Variants in PLPP3 observed in about 807,000 individuals in gnomAD.
PLPP3 encodes phospholipid phosphatase 3, also known as PAP2 beta.
A neutral mutation model predicts 29.6 loss-of-function variants in PLPP3; 6 were observed. That is an observed-to-expected ratio of 0.20 (90% CI 0.11 to 0.40). PLPP3 has a LOEUF of 0.40. Among genes scored for constraint, PLPP3 ranks in the 10% least tolerant of loss-of-function variants. The pLI is 1.00. For missense variants in PLPP3, 308 were observed against 407.7 expected (o/e 0.76, Z 2.11); for synonymous variants, 152 against 159.7 (o/e 0.95, Z 0.36).
At chr1:56,557,576 T>A (rs544575792) in intron 1 of PLPP3, among the ~76,000 whole-genome samples, 2 of 152,316 alleles carry the variant, frequency 1.3e-5, no homozygotes, top group East Asian at 3.9e-4. Context: ...ATGAATGCAC[T>A]AATGAATGCA....
chr1:56,575,443 G>A (rs1327124467), intron 1 of PLPP3, among the ~76,000 whole-genome samples: 1 of 152,172 alleles, frequency 6.6e-6, no homozygotes, highest in Non-Finnish European at 1.5e-5. Flanking sequence ...AAACGTGGTG[G>A]AGCAACCAAA....
Position 56,494,955 on chromosome 1 carries a change from A to G in PLPP3, c.*1596T>C, listed in dbSNP as rs1645621738. ...GTTGCAGTTATTTCATTATAAAACAATGTCTACCACAGAACTATGATATTT... is the reference window on the plus strand; with the variant it reads ...GTTGCAGTTATTTCATTATAAAACAGTGTCTACCACAGAACTATGATATTT... On this transcript the variant is annotated 3_prime_UTR_variant, in exon 6 of 6. Coordinates refer to ENST00000371250, the MANE Select transcript of PLPP3 (RefSeq NM_003713.5). The G allele has an allele frequency of 1.3e-5, 2 of 152,626 alleles. No homozygotes were observed. Among genetic ancestry groups the G allele is most frequent in the Admixed American group, 6.5e-5 (1 of 15,276 alleles). 9.5% of individuals were successfully genotyped at this position (152,626 alleles called of 1,614,324 possible). A position where few individuals can be genotyped will look rare whatever the true frequency, so the allele number is the denominator to read the frequency against.
chr1:56,571,329 C>T (rs1646196829), intron 1 of PLPP3, among the ~76,000 whole-genome samples: 1 of 152,158 alleles, frequency 6.6e-6, no homozygotes, highest in African/African-American at 2.4e-5. Flanking sequence ...TCACAGTGCA[C>T]ACAGAATCTC....
At chr1:56,525,118 A>G (rs1260180994) in intron 2 of PLPP3, among the ~76,000 whole-genome samples, 1 of 152,204 alleles carries the variant, frequency 6.6e-6, no homozygotes, top group African/African-American at 2.4e-5. Flanking sequence ...TCCTTCAGCA[A>G]TAATCTACAT....
chr1:56,522,458 A>C (rs1445728425), intron 4 of PLPP3, among the ~76,000 whole-genome samples: 1 of 152,184 alleles, frequency 6.6e-6, no homozygotes, highest in African/African-American at 2.4e-5. Context: ...AAAATACACA[A>C]AGGGAGCAGG....
chr1:56,563,597 T>C (rs1392732684), intron 1 of PLPP3, among the ~76,000 whole-genome samples: 1 of 152,212 alleles, frequency 6.6e-6, no homozygotes, highest in Non-Finnish European at 1.5e-5. Flanking sequence ...AGTGGATAGA[T>C]GGCCCAAGTG....
intron 4 of PLPP3, 50 bp downstream of exon 4, chr1:56,523,773 G>T: frequency 1.3e-6 from 2 of 1,555,626 alleles, no homozygotes; most frequent in Non-Finnish European, 1.8e-6. Context: ...ATATCAGAAG[G>T]GATCGAAGCT....
chr1:56,497,585 A>C (rs776138681), intron 5 of PLPP3, among the ~76,000 whole-genome samples: 4 of 152,212 alleles, frequency 2.6e-5, no homozygotes, highest in Non-Finnish European at 5.9e-5. Flanking sequence ...ACTTGGCTGG[A>C]TTTCAAAATA....
intron 1 of PLPP3, among the ~76,000 whole-genome samples, chr1:56,568,665 G>A (rs185496708): frequency 8.5e-5 from 13 of 152,142 alleles, no homozygotes; most frequent in Admixed American, 2.0e-4. Context: ...TCGCTCTGTC[G>A]CCCAGGCTGG....
At chr1:56,526,043 A>AT (rs1236647343) in intron 2 of PLPP3, among the ~76,000 whole-genome samples, 1 of 152,180 alleles carries the variant, frequency 6.6e-6, no homozygotes, top group Non-Finnish European at 1.5e-5. Flanking sequence ...AATGCTTTAT[A>AT]TATAAGAGCT....
At chr1:56,506,238 G>A (rs1438855759) in intron 5 of PLPP3, among the ~76,000 whole-genome samples, 1 of 152,238 alleles carries the variant, frequency 6.6e-6, no homozygotes, top group African/African-American at 2.4e-5. Context: ...ATGGAATCAA[G>A]AAACTGGGGA....
chr1:56,532,193 C>T (rs1286312063), intron 2 of PLPP3, among the ~76,000 whole-genome samples: 2 of 152,136 alleles, frequency 1.3e-5, no homozygotes, highest in African/African-American at 4.8e-5. Flanking sequence ...TGCCCCCTCC[C>T]ACTGTTCCCC....
At chr1:56,530,698 C>T (rs1191407785) in intron 2 of PLPP3, among the ~76,000 whole-genome samples, 2 of 78,740 alleles carry the variant, frequency 2.5e-5, no homozygotes, top group Non-Finnish European at 5.5e-5. Flanking sequence ...ACCAAGCTCA[C>T]TTAAAATACT....
rs959783277 is a variant in PLPP3 at position 56,524,748 on chromosome 1, A to G, written c.298-194T>C. Among the ~76,000 whole-genome samples, 2 of 152,136 alleles carry G rather than the reference A, an allele frequency of 1.3e-5. No individual in the cohort carries two copies. The highest frequency in any genetic ancestry group is 4.8e-5 in the African/African-American group (2 of 41,424). On this transcript the variant is annotated intron_variant, in intron 2 of 5. Transcript: ENST00000371250. This position sits in a 1 kb window ranked among gnomAD's most constrained non-coding sequence, Gnocchi z 4.3. ...AAGCGCTAATATAGTTGGGTGTTTT[A>G]AGCCCCTTTGTAACAACAAAAATAT...
At position 56,514,967 on chromosome 1, in the gene PLPP3, A is replaced by C. The variant is rs145850795; in HGVS notation, c.634-2815T>G. 1.1e-3 allele frequency among the ~76,000 whole-genome samples: 166 copies of C among 152,312 alleles called. 2 individuals are homozygous for C. The highest frequency in any genetic ancestry group is 3.7e-3 in the African/African-American group (155 of 41,568). On this transcript the variant is annotated intron_variant, in intron 4 of 5. Transcript: ENST00000371250. The stretch of plus-strand genomic sequence containing the variant: ...GGTGTTAGTCTAGCTCCAACTCAAC[A>C]CAAGTCTTCAGGACAATGGCAAATT...
chr1:56,570,657 A>T (rs1382709945), intron 1 of PLPP3, among the ~76,000 whole-genome samples: 1 of 152,182 alleles, frequency 6.6e-6, no homozygotes, highest in Non-Finnish European at 1.5e-5. Flanking sequence ...ACAATGCGTG[A>T]CCTTGAGAAG....
At chr1:56,552,988 G>C (rs1265012668) in intron 1 of PLPP3, among the ~76,000 whole-genome samples, 3 of 152,144 alleles carry the variant, frequency 2.0e-5, no homozygotes, top group South Asian at 2.1e-4. Context: ...GCCTGTATTA[G>C]AGAGAAGAGG....
chr1:56,508,475 T>C (rs942827371), intron 5 of PLPP3, among the ~76,000 whole-genome samples: 1 of 152,254 alleles, frequency 6.6e-6, no homozygotes, highest in Non-Finnish European at 1.5e-5. Flanking sequence ...TCTGTGTTTC[T>C]TGGCACCTCA....
chr1:56,556,826 T>A (rs1465638472), intron 1 of PLPP3, among the ~76,000 whole-genome samples: 2 of 146,888 alleles, frequency 1.4e-5, no homozygotes, highest in Non-Finnish European at 3.0e-5. Context: ...TTTGGGAGGC[T>A]GAGGTGGATA....
Sources: allele counts gnomAD v4.1 joint callset (sites outside exome capture counted in the v4.1 genomes callset), GRCh38; gene constraint gnomAD v4.1.1; non-coding constraint Gnocchi (gnomAD v3.1); transcripts MANE v1.5; gene names NCBI Gene and HGNC (gene_info 2026-07-23, HGNC 2026-07-21).